BCAP29: variants seen among roughly 807,000 people sequenced by gnomAD.
The protein encoded by BCAP29 is B-cell receptor-associated protein 29.
Under a neutral mutation model 31.8 loss-of-function variants are expected in BCAP29, and 34 were observed. The ratio of observed to expected loss-of-function variants is 1.07; its 90% CI spans 0.81 to 1.42. The LOEUF is 1.42. BCAP29 is among the 40% of genes most tolerant of loss of function. The probability of loss-of-function intolerance (pLI) is 0.00; values close to 1 mark genes in which losing one functional copy is unlikely to be tolerated. For synonymous variants in BCAP29, 104 were observed against 91.3 expected, an observed-to-expected ratio of 1.14 and a Z score of -0.79; for missense variants, 314 against 269.2, an observed-to-expected ratio of 1.17 and a Z score of -1.16.
chr7:107,621,964 G>A (rs149241331), downstream of BCAP29: 2 of 512,116 alleles, frequency 3.9e-6, no homozygotes, highest in Admixed American at 2.0e-5. Flanking sequence ...ATTTCAAGGG[G>A]TGTGGAAAAC....
chr7:107,621,680 A>C (rs758975053), downstream of BCAP29: 8 of 471,660 alleles, frequency 1.7e-5, no homozygotes, highest in African/African-American at 1.6e-4. Flanking sequence ...CAGTGACCAC[A>C]GAGGCAGAGA....
At chr7:107,590,682 G>A (rs938784355) in intron 3 of BCAP29, among the ~76,000 whole-genome samples, 2 of 151,916 alleles carry the variant, frequency 1.3e-5, no homozygotes, top group African/African-American at 4.8e-5. Flanking sequence ...AGCCAGGCAT[G>A]GTGGCTCATG....
rs1490189097 is a variant in BCAP29, at chr7:107,599,280, A to AT, written c.481-1117_481-1116insT. On this transcript the variant is annotated intron_variant, in intron 5 of 7. Coordinates refer to ENST00000005259, the MANE Select transcript of BCAP29 (RefSeq NM_018844.4). ...AATTTTTATATATATATTTATATAT[A>AT]ATTTTTATATATAAATTATATATAA... Among the ~76,000 whole-genome samples the AT allele has an allele frequency of 8.7e-3, 1,005 of 116,118 alleles. 106 individuals carry two copies. The highest frequency in any genetic ancestry group is 0.036 in the African/African-American group (959 of 26,562). 76.2% of individuals were successfully genotyped at this position (116,118 alleles called of 152,430 possible).
At chr7:107,607,164 AAATT>A (rs1812255866) in intron 6 of BCAP29, among the ~76,000 whole-genome samples, 1 of 152,158 alleles carries the variant, frequency 6.6e-6, no homozygotes, top group African/African-American at 2.4e-5. Context: ...AAAAATATAA[AAATT>A]AACCGGATGG....
chr7:107,612,391 TTATATATATA>T (rs36213596), intron 6 of BCAP29, among the ~76,000 whole-genome samples: 70 of 30,876 alleles, frequency 2.3e-3, no homozygotes, highest in Middle Eastern at 0.016. Flanking sequence ...ATGTATTGTT[TTATATATATA>T]TATATATATA....
intron 5 of BCAP29, among the ~76,000 whole-genome samples, chr7:107,597,244 T>G (rs1008373038): frequency 6.6e-6 from 1 of 152,214 alleles, no homozygotes; most frequent in Non-Finnish European, 1.5e-5. Flanking sequence ...TTGTCCTTCC[T>G]TCCTTTCTTT....
chr7:107,620,295 A>G lies in BCAP29; in HGVS notation c.*1932A>G, dbSNP rs368214337. ...TCTTCTGGTTATACACAGACCAGCTATAATTTGCTAAACATAAAATATTGC... is the reference window on the plus strand; with the variant it reads ...TCTTCTGGTTATACACAGACCAGCTGTAATTTGCTAAACATAAAATATTGC... On this transcript the variant is annotated 3_prime_UTR_variant, in exon 8 of 8. Coordinates refer to ENST00000005259, the MANE Select transcript of BCAP29 (RefSeq NM_018844.4). The G allele has an allele frequency of 1.3e-5, 2 of 152,216 alleles. No homozygotes were observed. The highest frequency in any genetic ancestry group is 4.8e-5 in the African/African-American group (2 of 41,452). 9.4% of individuals were successfully genotyped at this position (152,216 alleles called of 1,614,324 possible).
intron 6 of BCAP29, among the ~76,000 whole-genome samples, chr7:107,602,191 CT>C (rs199915614): frequency 0.022 from 3,376 of 152,232 alleles, 51 homozygotes; most frequent in Middle Eastern, 0.044. Flanking sequence ...CAGATTTTAC[CT>C]GTTCGAGTGT....
At chr7:107,617,291 A>T (rs1814359602) in intron 7 of BCAP29, among the ~76,000 whole-genome samples, 1 of 152,186 alleles carries the variant, frequency 6.6e-6, no homozygotes, top group Non-Finnish European at 1.5e-5. Context: ...AATATTAAGG[A>T]AACAAAGGTT....
intron 2 of BCAP29, among the ~76,000 whole-genome samples, chr7:107,582,190 A>C (rs1387894195): frequency 6.6e-6 from 1 of 152,192 alleles, no homozygotes; most frequent in Non-Finnish European, 1.5e-5. Flanking sequence ...AAGAAGGAAA[A>C]ATTGTCAGTT....
intron 7 of BCAP29, among the ~76,000 whole-genome samples, chr7:107,618,070 C>T (rs972827888): frequency 2.0e-5 from 3 of 152,056 alleles, no homozygotes; most frequent in African/African-American, 7.2e-5. Flanking sequence ...TCATGTTTTC[C>T]TAATGTAACC....
chr7:107,605,005 A>G (rs1160071336), intron 6 of BCAP29, among the ~76,000 whole-genome samples: 1 of 152,150 alleles, frequency 6.6e-6, no homozygotes, highest in African/African-American at 2.4e-5. Context: ...TATTGATGTT[A>G]TTGTCAAAAC....
chr7:107,597,302 T>C (rs140804070), intron 5 of BCAP29, among the ~76,000 whole-genome samples: 1 of 152,186 alleles, frequency 6.6e-6, no homozygotes, highest in East Asian at 1.9e-4. Context: ...TCTCAAACTT[T>C]TGGCCTCAAG....
intron 5 of BCAP29, among the ~76,000 whole-genome samples, chr7:107,599,191 A>T (rs1373082119): frequency 1.6e-5 from 1 of 64,198 alleles, no homozygotes; most frequent in Non-Finnish European, 3.0e-5. Context: ...ATTTATATGT[A>T]TATAAATACA....
intron 6 of BCAP29, among the ~76,000 whole-genome samples, chr7:107,603,114 C>T (rs10953540): frequency 0.17 from 25,928 of 151,452 alleles, 2,775 homozygotes; most frequent in Non-Finnish European, 0.24. Context: ...GGACTACAGG[C>T]GCCTGCCGCC....
chr7:107,595,997 A>G lies in BCAP29; in HGVS notation c.475A>G (p.Lys159Glu), dbSNP rs1809752107. ...ATTTATGGAAGAAAACGAAAAACTA[A>G]AAAGGGTATTTAATTTTCTTTGTAA... Reference protein sequence around the residue: ...KKFMEENEKLKRILKSHGKDE... With the variant: ...KKFMEENEKLERILKSHGKDE... The change falls in exon 5 of 8, where the codon AAA becomes GAA. Residue 159 changes from lysine to glutamate, a missense_variant. Coordinates refer to ENST00000005259, the MANE Select transcript of BCAP29 (RefSeq NM_018844.4). The G allele has an allele frequency of 6.4e-7, 1 of 1,569,676 alleles. No individual in the cohort carries two copies. The highest frequency in any genetic ancestry group is 1.2e-5 in the South Asian group (1 of 82,746).
At chr7:107,580,049 C>A (rs1004080818), upstream of BCAP29, 3 of 152,324 alleles carry the variant, frequency 2.0e-5, no homozygotes, top group Admixed American at 2.0e-4. Flanking sequence ...GAAGAAGTTG[C>A]GCTCCGACCT....
intron 7 of BCAP29, 196 bp downstream of exon 7, chr7:107,613,628 G>A (rs1251788735): frequency 6.3e-7 from 1 of 1,588,438 alleles, no homozygotes; most frequent in Admixed American, 1.7e-5. Context: ...ATAATTTTAA[G>A]GAATTGCTGA....
intron 2 of BCAP29, 75 bp downstream of exon 2, chr7:107,580,939 A>G (rs1806538577): frequency 8.8e-7 from 1 of 1,137,320 alleles, no homozygotes; most frequent in Non-Finnish European, 1.2e-6. Context: ...TTTTCTGAAC[A>G]TTAAAAAGTT....
Sources: gnomAD v4.1 joint callset for allele counts (sites outside exome capture counted in the v4.1 genomes callset) on GRCh38, gnomAD v4.1.1 for gene constraint, MANE v1.5 for transcripts, NCBI Gene and HGNC (gene_info 2026-07-23, HGNC 2026-07-21) for gene names.